The following ADCY2 variants were observed in gnomAD, a reference collection of about 807,000 sequenced individuals.
The protein encoded by ADCY2 is adenylate cyclase 2.
Under a neutral mutation model 125.2 loss-of-function variants are expected in ADCY2, and 31 were observed. The ratio of observed to expected loss-of-function variants is 0.25; its 90% CI spans 0.19 to 0.33. The LOEUF is 0.33. Among genes scored for constraint, ADCY2 ranks in the 10% least tolerant of loss-of-function variants. The pLI is 1.00. For missense variants in ADCY2, 904 were observed against 1,418.2 expected, an observed-to-expected ratio of 0.64 and a Z score of 5.82; for synonymous variants, 512 against 548.4, an observed-to-expected ratio of 0.93 and a Z score of 0.93.
At chr5:7,492,501 A>G (rs1217262788) in intron 2 of ADCY2, among the ~76,000 whole-genome samples, 1 of 152,208 alleles carries the variant, frequency 6.6e-6, no homozygotes, top group Non-Finnish European at 1.5e-5. Flanking sequence ...ATGAACAGAT[A>G]TTAAAGGAAG....
Position 7,721,317 on chromosome 5 carries a change from A to T in ADCY2, c.1704-3228A>T, listed in dbSNP as rs190136446. ...TATTAGCCCTTTGTCAGATGGGTAG[A>T]TTATAAAAATTTTCTCCCATTCTGT... On this transcript the variant is annotated intron_variant, in intron 12 of 24. Coordinates refer to ENST00000338316, the MANE Select transcript of ADCY2 (RefSeq NM_020546.3). Among the ~76,000 whole-genome samples, 13 of 152,266 alleles carry T rather than the reference A, an allele frequency of 8.5e-5. No individual in the cohort carries two copies. The East Asian group carries it at 2.5e-3, about 29-fold the overall frequency.
At chr5:7,435,619 A>G (rs1740770424) in intron 2 of ADCY2, among the ~76,000 whole-genome samples, 1 of 152,230 alleles carries the variant, frequency 6.6e-6, no homozygotes, top group Non-Finnish European at 1.5e-5. Flanking sequence ...TTGGAAAATC[A>G]TGGCCCTGAG....
At chr5:7,420,378 G>A (rs763955697) in intron 2 of ADCY2, among the ~76,000 whole-genome samples, 1 of 152,146 alleles carries the variant, frequency 6.6e-6, no homozygotes, top group Non-Finnish European at 1.5e-5. Context: ...TTTTCAGTGT[G>A]TGCCCCTGAG....
chr5:7,406,638 C>T (rs1739499898), intron 1 of ADCY2, among the ~76,000 whole-genome samples: 1 of 152,162 alleles, frequency 6.6e-6, no homozygotes, highest in South Asian at 2.1e-4. Context: ...ATTTACCATC[C>T]TCTTAGCTAC....
At chr5:7,730,588 CT>C (rs1247054669) in intron 14 of ADCY2, among the ~76,000 whole-genome samples, 1 of 151,886 alleles carries the variant, frequency 6.6e-6, no homozygotes, top group African/African-American at 2.4e-5. Context: ...CAATAGCTGC[CT>C]TTTTTGTTTA....
At chr5:7,488,330 T>G (rs1272532863) in intron 2 of ADCY2, among the ~76,000 whole-genome samples, 1 of 152,188 alleles carries the variant, frequency 6.6e-6, no homozygotes, top group African/African-American at 2.4e-5. Context: ...TGTCGAGCTG[T>G]GAGTCCATTA....
chr5:7,545,510 C>T (rs893468379), intron 3 of ADCY2, among the ~76,000 whole-genome samples: 6 of 152,168 alleles, frequency 3.9e-5, no homozygotes, highest in African/African-American at 7.2e-5. Flanking sequence ...AAGGAACAAG[C>T]ACCCATTCTG....
rs541208358 is a variant in ADCY2 at position 7,562,687 on chromosome 5, C to T, written c.570+41788C>T. Among the ~76,000 whole-genome samples, 59 of 152,130 alleles carry T rather than the reference C, an allele frequency of 3.9e-4. 2 individuals are homozygous for T. In the South Asian group the frequency reaches 0.011, roughly 29 times the overall value. On this transcript the variant is annotated intron_variant, in intron 3 of 24. Transcript: ENST00000338316. Reference sequence around the variant, plus strand: ...CACGGCCTTAGTAGTGGGAAACAGACGACATTGATGAACACAGGTTTCAAA... The same window carrying T: ...CACGGCCTTAGTAGTGGGAAACAGATGACATTGATGAACACAGGTTTCAAA...
At chr5:7,471,852 C>T (rs1322530494) in intron 2 of ADCY2, among the ~76,000 whole-genome samples, 1 of 152,006 alleles carries the variant, frequency 6.6e-6, no homozygotes, top group African/African-American at 2.4e-5. Context: ...AAAGATGCTA[C>T]TCCATTGTTT....
intron 2 of ADCY2, among the ~76,000 whole-genome samples, chr5:7,517,812 A>C (rs1380932685): frequency 6.6e-6 from 1 of 152,246 alleles, no homozygotes; most frequent in African/African-American, 2.4e-5. Flanking sequence ...AGACGGTATT[A>C]GAATTTTAAA....
At position 7,396,711 on chromosome 5, in the gene ADCY2, G is replaced by A. The variant is rs1342507261; in HGVS notation, c.210+205G>A. 6.6e-6 allele frequency among the ~76,000 whole-genome samples: 1 copy of A among 151,224 alleles called. No homozygotes were observed. The highest frequency in any genetic ancestry group is 1.5e-5 in the Non-Finnish European group (1 of 67,948). On this transcript the variant is annotated intron_variant, in intron 1 of 24. Transcript: ENST00000338316. The surrounding 1 kb of genome is among the most constrained non-coding windows in gnomAD (Gnocchi z 5.7). ...GGCAAGGGCTGCGGGCGGGAGAAAA[G>A]TTTCCTGGGAAGGCTCTTCCCAAAA... is the stretch of plus-strand genomic sequence containing the variant.
intron 2 of ADCY2, among the ~76,000 whole-genome samples, chr5:7,510,179 A>G (rs1444742881): frequency 2.6e-5 from 4 of 152,250 alleles, no homozygotes; most frequent in Non-Finnish European, 5.9e-5. Flanking sequence ...TTATTTTAAA[A>G]TCAACTTGGT....
chr5:7,718,297 C>T (rs762282005), intron 12 of ADCY2, among the ~76,000 whole-genome samples: 1 of 151,820 alleles, frequency 6.6e-6, no homozygotes, highest in Non-Finnish European at 1.5e-5. Context: ...TACAGGCGAT[C>T]GCCACCACAC....
At chr5:7,528,862 T>C (rs560106644) in intron 3 of ADCY2, among the ~76,000 whole-genome samples, 15 of 152,218 alleles carry the variant, frequency 9.9e-5, no homozygotes, top group Admixed American at 3.3e-4. Flanking sequence ...TTGTGAAAGA[T>C]ACTAATTCTA....
At chr5:7,705,007 G>C (rs1235411257) in intron 7 of ADCY2, among the ~76,000 whole-genome samples, 1 of 152,082 alleles carries the variant, frequency 6.6e-6, no homozygotes, top group Non-Finnish European at 1.5e-5. Flanking sequence ...GTTCAGCTCT[G>C]TCAAGTGGAC....
chr5:7,575,405 A>G (rs1736216610), intron 3 of ADCY2, among the ~76,000 whole-genome samples: 1 of 152,194 alleles, frequency 6.6e-6, no homozygotes, highest in Admixed American at 6.5e-5. Context: ...TTCAAGAAAC[A>G]GTAATGTATG....
At chr5:7,657,346 G>A (rs1462524236) in intron 4 of ADCY2, among the ~76,000 whole-genome samples, 1 of 152,220 alleles carries the variant, frequency 6.6e-6, no homozygotes, top group Admixed American at 6.5e-5. Flanking sequence ...CCTTCATCAC[G>A]CATACTTTTC....
At chr5:7,822,841 A>G (rs1159734498) in intron 24 of ADCY2, among the ~76,000 whole-genome samples, 3 of 152,244 alleles carry the variant, frequency 2.0e-5, no homozygotes, top group Non-Finnish European at 4.4e-5. Context: ...TTTCTGCTAA[A>G]TGGAAAATTT....
chr5:7,802,053 G>A lies in ADCY2; in HGVS notation c.2629-165G>A. The stretch of plus-strand genomic sequence containing the variant: ...GCTCATTAGAAGCTTTCCCCTGAGA[G>A]CAGCGGCAGCATCTGGATTGGGCCG... On this transcript the variant is annotated intron_variant, in intron 20 of 24. Transcript: ENST00000338316. The surrounding 1 kb of genome is among the most constrained non-coding windows in gnomAD (Gnocchi z 4.6). 1.5e-6 allele frequency: 1 copy of A among 668,934 alleles called. No individual in the cohort carries two copies. The highest frequency in any genetic ancestry group is 2.5e-6 in the Non-Finnish European group (1 of 404,280). 41.4% of individuals were successfully genotyped at this position (668,934 alleles called of 1,614,324 possible).
Sources: gnomAD v4.1 joint callset for allele counts (sites outside exome capture counted in the v4.1 genomes callset) on GRCh38, gnomAD v4.1.1 for gene constraint, Gnocchi (gnomAD v3.1) non-coding constraint, MANE v1.5 for transcripts, NCBI Gene and HGNC (gene_info 2026-07-23, HGNC 2026-07-21) for gene names.